Variants in REPS1 observed in about 807,000 individuals in gnomAD.
The protein encoded by REPS1 is RALBP1 associated Eps domain containing 1, also known as ralBP1-associated Eps domain-containing protein 1.
REPS1 carries 39 observed loss-of-function variants against 100.9 expected under a neutral mutation model. The ratio of observed to expected loss-of-function variants is 0.39; its 90% confidence interval spans 0.30 to 0.50. The LOEUF (loss-of-function observed/expected upper bound fraction) is 0.50, where lower values mean the gene tolerates loss of function less well. REPS1 is among the 20% of genes least tolerant of loss of function. REPS1 has a pLI of 0.86. For synonymous variants in REPS1, 324 were observed against 340.3 expected (o/e 0.95, Z 0.53); for missense variants, 821 against 968.5 (o/e 0.85, Z 2.02).
intron 1 of REPS1, among the ~76,000 whole-genome samples, chr6:138,977,645 A>G (rs1196614154): frequency 6.6e-6 from 1 of 152,208 alleles, no homozygotes; most frequent in Non-Finnish European, 1.5e-5. Context: ...GTATTCAAAC[A>G]CCATGTGATG....
intron 1 of REPS1, among the ~76,000 whole-genome samples, chr6:138,956,372 G>A (rs758384620): frequency 1.3e-5 from 2 of 152,046 alleles, no homozygotes; most frequent in Non-Finnish European, 2.9e-5. Context: ...ACCCAGAAAT[G>A]CTAGGTATGA....
chr6:138,970,161 GA>G, intron 1 of REPS1, among the ~76,000 whole-genome samples: 1 of 152,210 alleles, frequency 6.6e-6, no homozygotes, highest in South Asian at 2.1e-4. Flanking sequence ...GTTCATCAAT[GA>G]GGTGTTCAGA....
chr6:138,934,057 G>A (rs1185401755), intron 8 of REPS1, among the ~76,000 whole-genome samples: 1 of 152,172 alleles, frequency 6.6e-6, no homozygotes, highest in Non-Finnish European at 1.5e-5. Flanking sequence ...TCTTTCCTAT[G>A]TTCTAGAAAC....
At chr6:138,929,447 T>C (rs566363595) in intron 9 of REPS1, 3 of 152,556 alleles carry the variant, frequency 2.0e-5, no homozygotes, top group Admixed American at 2.0e-4. Flanking sequence ...GCAGTTAATA[T>C]GGCTAAACAT....
At chr6:138,921,567 C>CT (rs755518526) in intron 10 of REPS1, among the ~76,000 whole-genome samples, 12,803 of 57,830 alleles carry the variant, frequency 0.22, 3,642 homozygotes, top group Non-Finnish European at 0.28. Flanking sequence ...TAGGAGGATC[C>CT]TTTTTTTTTT....
At chr6:138,952,384 A>G (rs189243265) in intron 1 of REPS1, among the ~76,000 whole-genome samples, 3 of 152,048 alleles carry the variant, frequency 2.0e-5, no homozygotes, top group Admixed American at 2.0e-4. Context: ...TACAAAAATC[A>G]GTAGCATTTT....
chr6:138,970,100 T>C (rs545702996), intron 1 of REPS1, among the ~76,000 whole-genome samples: 1 of 152,252 alleles, frequency 6.6e-6, no homozygotes, highest in African/African-American at 2.4e-5. Flanking sequence ...TTCACTAATC[T>C]ATTCTTCAGC....
intron 1 of REPS1, among the ~76,000 whole-genome samples, chr6:138,955,457 A>AAAGT (rs10689184): frequency 1.1e-5 from 1 of 90,720 alleles, no homozygotes; most frequent in Non-Finnish European, 2.0e-5. Context: ...AAAAAAAAAA[A>AAAGT]GTGTGTGTGT....
At chr6:138,986,592 G>A (rs991457097) in intron 1 of REPS1, among the ~76,000 whole-genome samples, 1 of 152,136 alleles carries the variant, frequency 6.6e-6, no homozygotes, top group African/African-American at 2.4e-5. Context: ...CTATACATGT[G>A]GCTTTAAATT....
intron 1 of REPS1, among the ~76,000 whole-genome samples, chr6:138,955,515 ATGAG>A (rs1216914362): frequency 6.7e-6 from 1 of 149,366 alleles, no homozygotes; most frequent in Non-Finnish European, 1.5e-5. Context: ...ACTAAAAACT[ATGAG>A]TGACTATTAC....
intron 1 of REPS1, among the ~76,000 whole-genome samples, chr6:138,986,897 A>G (rs1358931021): frequency 6.6e-6 from 1 of 152,202 alleles, no homozygotes; most frequent in Non-Finnish European, 1.5e-5. Context: ...ACCCAAATCC[A>G]CAAGTTCCAC....
At chr6:138,934,462 T>C in intron 8 of REPS1, 1 of 356,520 alleles carries the variant, frequency 2.8e-6, no homozygotes, top group Non-Finnish European at 6.0e-6. Flanking sequence ...CTACGGCTTA[T>C]TCTACATTTG....
At chr6:138,965,149 C>A (rs921329596) in intron 1 of REPS1, among the ~76,000 whole-genome samples, 1 of 152,038 alleles carries the variant, frequency 6.6e-6, no homozygotes, top group African/African-American at 2.4e-5. Flanking sequence ...TACATACAGG[C>A]CAATAAATAT....
At chr6:138,967,717 CATG>C (rs1294690121) in intron 1 of REPS1, among the ~76,000 whole-genome samples, 2 of 152,110 alleles carry the variant, frequency 1.3e-5, no homozygotes, top group East Asian at 1.9e-4. Context: ...ATCCCCAACA[CATG>C]ATAAGAACAA....
At chr6:138,977,955 A>G (rs1049022091) in intron 1 of REPS1, among the ~76,000 whole-genome samples, 5 of 152,228 alleles carry the variant, frequency 3.3e-5, no homozygotes, top group Admixed American at 1.3e-4. Context: ...GTGTGATAGT[A>G]TATCACTGTG....
chr6:138,959,976 G>GACAT (rs201511622), intron 1 of REPS1, among the ~76,000 whole-genome samples: 1 of 150,734 alleles, frequency 6.6e-6, no homozygotes, highest in East Asian at 1.9e-4. Context: ...ATGCCTCCAA[G>GACAT]ACATAGCTAG....
chr6:138,953,065 G>A (rs1783145141), intron 1 of REPS1, among the ~76,000 whole-genome samples: 1 of 152,048 alleles, frequency 6.6e-6, no homozygotes, highest in Non-Finnish European at 1.5e-5. Context: ...TCGAACTCCT[G>A]ACCTCAAGTG....
chr6:138,929,777 T>C (rs1432610244), intron 9 of REPS1, 200 bp downstream of exon 9: 1 of 438,762 alleles, frequency 2.3e-6, no homozygotes, highest in Non-Finnish European at 4.0e-6. Flanking sequence ...TGGGGATAAG[T>C]GGTGGAAATC....
At chr6:138,913,439 A>T (rs1042408645) in intron 15 of REPS1, among the ~76,000 whole-genome samples, 3 of 152,206 alleles carry the variant, frequency 2.0e-5, no homozygotes, top group African/African-American at 4.8e-5. Flanking sequence ...CTCCTTTGCC[A>T]GCCAGACCAA....
Sources: allele counts gnomAD v4.1 joint callset (sites outside exome capture counted in the v4.1 genomes callset), GRCh38; gene constraint gnomAD v4.1.1; transcripts MANE v1.5; gene names NCBI Gene and HGNC (gene_info 2026-07-23, HGNC 2026-07-21).